The following ARHGAP25 variants were observed in gnomAD, a reference collection of about 807,000 sequenced individuals.
The protein encoded by ARHGAP25 is Rho GTPase activating protein 25.
A neutral mutation model predicts 71.0 loss-of-function variants in ARHGAP25; 34 were observed. That is an observed-to-expected ratio of 0.48 (90% confidence interval 0.36 to 0.64). ARHGAP25 has a LOEUF of 0.64. Among genes scored for constraint, ARHGAP25 ranks in the 30% least tolerant of loss-of-function variants. The pLI, the probability that ARHGAP25 is intolerant of heterozygous loss-of-function variation, is 0.00. For synonymous variants in ARHGAP25, 282 were observed against 296.5 expected (o/e 0.95, Z 0.50); for missense variants, 706 against 805.1 (o/e 0.88, Z 1.49).
chr2:68,794,979 A>G lies in ARHGAP25; in HGVS notation c.466+7023A>G, dbSNP rs1260103972. Among the ~76,000 whole-genome samples the G allele has an allele frequency of 4.6e-5, 7 of 151,734 alleles. No homozygotes were observed. The East Asian group carries it at 1.2e-3, about 25-fold the overall frequency. ...CACTGTTGGTCTCTTCAGACTTTCT[A>G]TTTCTTTCTGCTTCAGTCTTGGGAG... On this transcript the variant is annotated intron_variant, in intron 4 of 10. Coordinates refer to ENST00000409202, the MANE Select transcript of ARHGAP25 (RefSeq NM_001007231.3).
At chr2:68,774,731 C>G in intron 1 of ARHGAP25, 1 of 1,011,542 alleles carries the variant, frequency 9.9e-7, no homozygotes, top group African/African-American at 1.7e-5. Context: ...GCGGCCCCTC[C>G]TCTAGCCGGC....
chr2:68,782,037 C>G (rs779829329), intron 2 of ARHGAP25, among the ~76,000 whole-genome samples, 196 bp from the exon 3 acceptor site: 5 of 152,198 alleles, frequency 3.3e-5, no homozygotes, highest in Admixed American at 6.5e-5. Context: ...CTGATTTGCT[C>G]TGGAATAGCT....
intron 4 of ARHGAP25, among the ~76,000 whole-genome samples, chr2:68,795,450 G>A (rs941786325): frequency 6.6e-6 from 1 of 152,112 alleles, no homozygotes; most frequent in African/African-American, 2.4e-5. Context: ...TAGCCTACAA[G>A]TTTTGGTATG....
intron 2 of ARHGAP25, among the ~76,000 whole-genome samples, chr2:68,776,219 G>A (rs1407514644): frequency 6.6e-6 from 1 of 152,008 alleles, no homozygotes; most frequent in Non-Finnish European, 1.5e-5. Context: ...GGAATCAGAG[G>A]GGATGAGGTC....
At chr2:68,721,287 T>A (rs543661448) in intron 2 of ARHGAP25, among the ~76,000 whole-genome samples, 7 of 152,350 alleles carry the variant, frequency 4.6e-5, no homozygotes, top group Admixed American at 4.6e-4. Flanking sequence ...AATTTTATAC[T>A]TCATTGTAAT....
chr2:68,771,029 C>T (rs1211547730), intron 1 of ARHGAP25, among the ~76,000 whole-genome samples: 1 of 152,216 alleles, frequency 6.6e-6, no homozygotes, highest in African/African-American at 2.4e-5. Flanking sequence ...CACAGGCTTA[C>T]TGAGTACTTA....
rs567747681 is a variant in ARHGAP25, at chr2:68,751,808, A to G, written c.61+16548A>G. On this transcript the variant is annotated intron_variant, in intron 1 of 10. Coordinates refer to ENST00000409202, the MANE Select transcript of ARHGAP25 (RefSeq NM_001007231.3). ...TCTTCCTGGTCTGGACCAATCCAAG[A>G]GCGACAGCTAACCGGGAAAATCCTA... 2.0e-3 allele frequency among the ~76,000 whole-genome samples: 298 copies of G among 152,358 alleles called. 2 individuals are homozygous for G. The highest frequency in any genetic ancestry group is 6.9e-3 in the African/African-American group (285 of 41,592).
At chr2:68,720,491 A>G (rs1674736705) in intron 2 of ARHGAP25, among the ~76,000 whole-genome samples, 3 of 152,188 alleles carry the variant, frequency 2.0e-5, no homozygotes. Flanking sequence ...TTCTGGATGC[A>G]TAATGGCTGC....
intron 3 of ARHGAP25, among the ~76,000 whole-genome samples, chr2:68,785,132 T>G (rs1317954792): frequency 2.0e-5 from 3 of 152,154 alleles, no homozygotes; most frequent in African/African-American, 7.2e-5. Context: ...GAATAGGACA[T>G]TTTCTCAGGG....
intron 9 of ARHGAP25, 21 bp from the exon 10 acceptor site, chr2:68,822,319 C>A: frequency 6.2e-7 from 1 of 1,603,626 alleles, no homozygotes; most frequent in Non-Finnish European, 8.5e-7. Context: ...CATGTGACAT[C>A]CATGGCCATT....
At chr2:68,823,541 G>A (rs148150734) in intron 10 of ARHGAP25, among the ~76,000 whole-genome samples, 177 of 151,968 alleles carry the variant, frequency 1.2e-3, no homozygotes, top group African/African-American at 3.5e-3. Flanking sequence ...GGCCAGTGCC[G>A]AGCCATGAGA....
upstream of ARHGAP25, among the ~76,000 whole-genome samples, chr2:68,734,096 A>G (rs1241880654): frequency 1.3e-5 from 2 of 152,194 alleles, no homozygotes; most frequent in Non-Finnish European, 1.5e-5. Context: ...AATAGAATAG[A>G]ATAAAGGTTG....
intron 5 of ARHGAP25, among the ~76,000 whole-genome samples, chr2:68,812,778 A>G (rs1044031365): frequency 9.8e-5 from 15 of 152,324 alleles, no homozygotes; most frequent in African/African-American, 3.4e-4. Context: ...CTTGACAAGT[A>G]TCTTGCAGTA....
chr2:68,733,175 C>G (rs1331019478), upstream of ARHGAP25, among the ~76,000 whole-genome samples: 1 of 152,138 alleles, frequency 6.6e-6, no homozygotes, highest in Admixed American at 6.5e-5. Flanking sequence ...GACAGCCAGG[C>G]CAACCATGGG....
At chr2:68,775,003 T>C in intron 1 of ARHGAP25, 2 of 1,453,766 alleles carry the variant, frequency 1.4e-6, no homozygotes, top group South Asian at 2.8e-5. Context: ...GCAGCCTGGG[T>C]TTTATTCTTG....
chr2:68,714,708 AC>A (rs1276600448), intron 2 of ARHGAP25, among the ~76,000 whole-genome samples: 1 of 152,118 alleles, frequency 6.6e-6, no homozygotes, highest in East Asian at 1.9e-4. Context: ...GGTTTCAAAT[AC>A]CTTATTTATT....
upstream of ARHGAP25, among the ~76,000 whole-genome samples, chr2:68,731,931 G>A (rs1335609301): frequency 1.3e-5 from 2 of 152,250 alleles, no homozygotes; most frequent in East Asian, 1.9e-4. Flanking sequence ...GTGTCAGGGC[G>A]GTGAGGTGGG....
intron 1 of ARHGAP25, among the ~76,000 whole-genome samples, chr2:68,768,391 C>G (rs1278083077): frequency 1.3e-5 from 2 of 152,192 alleles, no homozygotes; most frequent in Non-Finnish European, 2.9e-5. Context: ...ATATTTCTCG[C>G]AAATACAAAA....
At position 68,737,982 on chromosome 2, in the gene ARHGAP25, C is replaced by A. The variant is rs564063873; in HGVS notation, c.61+2722C>A. On this transcript the variant is annotated intron_variant, in intron 1 of 10. Coordinates refer to ENST00000409202, the MANE Select transcript of ARHGAP25 (RefSeq NM_001007231.3). ...ATGGCAGACTCACCTGAGTCCACTACCATGAGTCTGACAGATTTTCATGCA... is the reference window on the plus strand; with the variant it reads ...ATGGCAGACTCACCTGAGTCCACTAACATGAGTCTGACAGATTTTCATGCA... Among the ~76,000 whole-genome samples the A allele has an allele frequency of 6.6e-5, 10 of 152,272 alleles. No homozygotes were observed. In the South Asian group the frequency reaches 1.2e-3, roughly 19 times the overall value.
Sources: allele counts gnomAD v4.1 joint callset (sites outside exome capture counted in the v4.1 genomes callset), GRCh38; gene constraint gnomAD v4.1.1; transcripts MANE v1.5; gene names NCBI Gene and HGNC (gene_info 2026-07-23, HGNC 2026-07-21).